Variants in TEX11 observed in about 807,000 individuals in gnomAD.
The protein encoded by TEX11 is testis expressed 11, also known as testis-expressed protein 11.
Under a neutral mutation model 84.4 loss-of-function variants are expected in TEX11, and 7 were observed. The observed-to-expected ratio is 0.08, with a 90% CI of 0.05 to 0.16. TEX11 has a LOEUF of 0.16. Among genes scored for constraint, TEX11 ranks in the 10% least tolerant of loss-of-function variants. The probability of loss-of-function intolerance (pLI) is 1.00; values close to 1 mark genes in which losing one functional copy is unlikely to be tolerated. For synonymous variants in TEX11, 264 were observed against 222.8 expected (o/e 1.18, Z -1.64); for missense variants, 551 against 660.5 (o/e 0.83, Z 1.82).
At chrX:70,596,236 C>T (rs1357259821) in intron 24 of TEX11, among the ~76,000 whole-genome samples, 1 of 111,289 alleles carries the variant, frequency 9.0e-6, no homozygotes, top group Non-Finnish European at 1.9e-5. Context: ...AATAAGTAGG[C>T]AGAAAACCAT....
the TEX11 span, among the ~76,000 whole-genome samples, chrX:70,516,601 C>A: frequency 1.8e-5 from 2 of 111,543 alleles, no homozygotes; most frequent in Admixed American, 9.6e-5. Context: ...CTTAGCAATG[C>A]GGGCTCTTTT....
chrX:70,803,105 AGAG>A (rs754881562), intron 9 of TEX11, among the ~76,000 whole-genome samples: 5 of 111,892 alleles, frequency 4.5e-5, no homozygotes, highest in African/African-American at 1.3e-4. Flanking sequence ...GACTTACGAA[AGAG>A]GAGGAGAAGG....
rs1167506737 is a variant in TEX11, at chrX:70,529,164, A to G, written c.2709T>C (p.Leu903=). 1.1e-5 allele frequency: 13 copies of G among 1,207,417 alleles called. No homozygotes were observed. The East Asian group carries it at 3.5e-4, about 33-fold the overall frequency. ...CCTTGTTGTTACTCAATGCTTCCAC[A>G]AGCTGACTATACAGCATATTCATCT... ...ETQMNMLYSQ[L]VEALSNNKGP... The change falls in exon 30 of 30, where the codon CTT becomes CTC. Residue 903 remains leucine, a synonymous_variant. Transcript: ENST00000374333.
chrX:70,642,406 C>T (rs2089673781), intron 17 of TEX11, among the ~76,000 whole-genome samples: 1 of 111,073 alleles, frequency 9.0e-6, no homozygotes, highest in Admixed American at 9.6e-5. Flanking sequence ...GGAATCCTCC[C>T]TAACTCATTT....
chrX:70,794,568 T>A (rs2091144823), intron 9 of TEX11, among the ~76,000 whole-genome samples: 1 of 108,180 alleles, frequency 9.2e-6, no homozygotes, highest in Admixed American at 1.0e-4. Context: ...CCCCCTTCCT[T>A]CTGCTTGAGG....
chrX:70,767,775 T>C (rs1263690821), intron 9 of TEX11, among the ~76,000 whole-genome samples: 2 of 111,823 alleles, frequency 1.8e-5, no homozygotes, highest in African/African-American at 6.5e-5. Flanking sequence ...ATTTATACAG[T>C]GGAGTCTTAT....
At chrX:70,606,869 T>C in intron 23 of TEX11, 90 bp downstream of exon 23, 1 of 504,776 alleles carries the variant, frequency 2.0e-6, no homozygotes. Flanking sequence ...CAAGAGACAA[T>C]CCTAGTCTAT....
chrX:70,688,807 T>TTA (rs751415758), intron 13 of TEX11, among the ~76,000 whole-genome samples: 106 of 104,459 alleles, frequency 1.0e-3, no homozygotes, highest in Admixed American at 2.2e-3. Flanking sequence ...ATTTGATATT[T>TTA]TATATATATA....
At chrX:70,858,158 A>G (rs1381920549) in intron 5 of TEX11, among the ~76,000 whole-genome samples, 2 of 109,618 alleles carry the variant, frequency 1.8e-5, no homozygotes, top group Non-Finnish European at 3.8e-5. Context: ...CCACTAAAGA[A>G]CTTACTCATG....
At chrX:70,512,650 C>T in the TEX11 span, among the ~76,000 whole-genome samples, 1 of 108,811 alleles carries the variant, frequency 9.2e-6, no homozygotes, top group African/African-American at 3.4e-5. Flanking sequence ...ACCCCTTCCC[C>T]TATCAGACTA....
chrX:70,605,361 A>G (rs928850339), intron 24 of TEX11, 40 bp downstream of exon 24: 4 of 928,543 alleles, frequency 4.3e-6, no homozygotes, highest in East Asian at 6.3e-5. Flanking sequence ...ATCAAATAGC[A>G]CACTGAACTC....
At chrX:70,636,782 G>C (rs1026837888) in intron 17 of TEX11, among the ~76,000 whole-genome samples, 1 of 112,061 alleles carries the variant, frequency 8.9e-6, no homozygotes, top group African/African-American at 3.2e-5. Context: ...CATGGACCTA[G>C]GCATCCAGGC....
In TEX11 at chrX:70,610,488, C is replaced by G; in HGVS notation, c.1792+15G>C. On this transcript the variant is annotated intron_variant, in intron 21 of 29. Coordinates refer to ENST00000374333, the MANE Select transcript of TEX11 (RefSeq NM_031276.3). ...GGCAAGATGAAGGACTGAATATAAC[C>G]AGGGAGATATTTACCTCTATTCAGG... 1 of 1,199,545 alleles carries G rather than the reference C, an allele frequency of 8.3e-7. No individual in the cohort carries two copies. The highest frequency in any genetic ancestry group is 1.1e-6 in the Non-Finnish European group (1 of 887,439).
intron 16 of TEX11, among the ~76,000 whole-genome samples, chrX:70,666,923 C>T (rs1048385420): frequency 1.8e-5 from 2 of 111,963 alleles, no homozygotes; most frequent in African/African-American, 6.5e-5. Flanking sequence ...ATTCATCCGC[C>T]TCTGAAACAT....
At chrX:70,661,822 G>A (rs1391294601) in intron 16 of TEX11, among the ~76,000 whole-genome samples, 1 of 111,983 alleles carries the variant, frequency 8.9e-6, no homozygotes, top group African/African-American at 3.2e-5. Context: ...CTGTTAGAAG[G>A]AAAACTAACA....
the TEX11 span, among the ~76,000 whole-genome samples, chrX:70,520,945 G>T: frequency 7.1e-5 from 8 of 112,505 alleles, no homozygotes; most frequent in Middle Eastern, 4.6e-3. Flanking sequence ...TGCCGAGCCA[G>T]GCACGGGATA....
At chrX:70,739,916 T>G (rs934326956) in intron 11 of TEX11, among the ~76,000 whole-genome samples, 5 of 111,887 alleles carry the variant, frequency 4.5e-5, no homozygotes, top group Non-Finnish European at 9.4e-5. Flanking sequence ...ATTGGCCTCC[T>G]GAGCAACTGG....
chrX:70,613,286 G>A (rs2089282384), intron 20 of TEX11, among the ~76,000 whole-genome samples: 1 of 111,860 alleles, frequency 8.9e-6, no homozygotes, highest in Admixed American at 9.5e-5. Context: ...TGTTGAAAGA[G>A]GAACTGAAGA....
chrX:70,537,883 G>A (rs1370129482), intron 28 of TEX11, among the ~76,000 whole-genome samples: 1 of 111,609 alleles, frequency 9.0e-6, no homozygotes, highest in Non-Finnish European at 1.9e-5. Flanking sequence ...AGTTACCAAG[G>A]AAGGAAAAGG....
Sources: allele counts gnomAD v4.1 joint callset (sites outside exome capture counted in the v4.1 genomes callset), GRCh38; gene constraint gnomAD v4.1.1; transcripts MANE v1.5; gene names NCBI Gene and HGNC (gene_info 2026-07-23, HGNC 2026-07-21).